SHISA9: variants seen among roughly 807,000 people sequenced by gnomAD.
SHISA9 encodes protein shisa-9.
In SHISA9, 13 loss-of-function variants were observed where a neutral mutation model predicts 38.0. The observed-to-expected ratio is 0.34, with a 90% CI of 0.22 to 0.54. The LOEUF is 0.54. SHISA9 is among the 20% of genes least tolerant of loss of function. SHISA9 has a pLI of 0.91. For missense variants in SHISA9, 538 were observed against 575.8 expected (o/e 0.93, Z 0.67); for synonymous variants, 275 against 242.0 (o/e 1.14, Z -1.27).
chr16:13,127,097 A>AAG (rs1175277703), intron 2 of SHISA9, among the ~76,000 whole-genome samples: 1 of 135,238 alleles, frequency 7.4e-6, no homozygotes, highest in Non-Finnish European at 1.6e-5. Context: ...GAGGGAAGGA[A>AAG]AGAGAGAGAG....
chr16:13,332,108 AAAC>A, the SHISA9 span: 15 of 152,224 alleles, frequency 9.9e-5, no homozygotes, highest in South Asian at 8.3e-4. Context: ...AAAAACACAA[AAAC>A]AACAACAACA....
intron 2 of SHISA9, among the ~76,000 whole-genome samples, chr16:13,068,459 G>A (rs1324489261): frequency 6.6e-6 from 1 of 152,192 alleles, no homozygotes; most frequent in Non-Finnish European, 1.5e-5. Context: ...CTTCACTAGG[G>A]GACATTGGGA....
At chr16:12,911,289 G>T (rs190733101) in intron 1 of SHISA9, 1 of 985,386 alleles carries the variant, frequency 1.0e-6, no homozygotes, top group African/African-American at 1.7e-5. Flanking sequence ...ACTATGTGCC[G>T]CAAACAAACG....
At chr16:13,355,459 GGAA>G in the SHISA9 span, among the ~76,000 whole-genome samples, 9 of 151,956 alleles carry the variant, frequency 5.9e-5, no homozygotes, top group Non-Finnish European at 8.8e-5. Context: ...CTTTGGATTG[GGAA>G]GAAGGGCGGC....
intron 2 of SHISA9, among the ~76,000 whole-genome samples, chr16:13,119,919 T>C (rs1487303653): frequency 6.6e-6 from 1 of 152,174 alleles, no homozygotes; most frequent in African/African-American, 2.4e-5. Flanking sequence ...AGCAAAGATG[T>C]ACAGTTTTTT....
intron 2 of SHISA9, among the ~76,000 whole-genome samples, chr16:13,133,511 C>T (rs2050322808): frequency 1.3e-5 from 2 of 152,274 alleles, no homozygotes; most frequent in South Asian, 4.1e-4. Context: ...TTGGCATAGG[C>T]AGGGCACCAG....
At chr16:13,011,018 G>A (rs867997740) in intron 2 of SHISA9, among the ~76,000 whole-genome samples, 47 of 152,062 alleles carry the variant, frequency 3.1e-4, no homozygotes, top group Admixed American at 4.6e-4. Flanking sequence ...CTTCCTCTCC[G>A]ATATTCTTGC....
chr16:12,915,809 G>T (rs2071246018), intron 1 of SHISA9, among the ~76,000 whole-genome samples: 1 of 152,174 alleles, frequency 6.6e-6, no homozygotes, highest in African/African-American at 2.4e-5. Flanking sequence ...CACTGTTTAT[G>T]TAAAAGACAC....
chr16:13,171,644 A>G (rs114469638), intron 2 of SHISA9, among the ~76,000 whole-genome samples: 4 of 152,164 alleles, frequency 2.6e-5, no homozygotes, highest in Admixed American at 2.0e-4. Context: ...GGGGAAATGA[A>G]AGGAGACCAG....
chr16:13,093,409 G>T (rs2073795073), intron 2 of SHISA9, among the ~76,000 whole-genome samples: 1 of 152,126 alleles, frequency 6.6e-6, no homozygotes, highest in Admixed American at 6.5e-5. Flanking sequence ...TATCTTGCAG[G>T]GATTTAGATG....
the SHISA9 span, among the ~76,000 whole-genome samples, chr16:13,527,477 T>C: frequency 5.9e-5 from 9 of 152,092 alleles, no homozygotes; most frequent in Admixed American, 5.9e-4. Context: ...GAGAAAGAGA[T>C]AGGAGAAAGT....
chr16:13,210,201 T>C (rs2051105031), intron 3 of SHISA9, among the ~76,000 whole-genome samples: 1 of 152,204 alleles, frequency 6.6e-6, no homozygotes, highest in South Asian at 2.1e-4. Flanking sequence ...TTTTATGTAA[T>C]TCCTGATGGG....
At chr16:13,190,909 G>T (rs575255153) in intron 2 of SHISA9, among the ~76,000 whole-genome samples, 131 of 150,336 alleles carry the variant, frequency 8.7e-4, no homozygotes, top group African/African-American at 3.1e-3. Context: ...TTATATATGT[G>T]TTTTTTTTTC....
intron 2 of SHISA9, among the ~76,000 whole-genome samples, chr16:13,033,076 T>A (rs183720799): frequency 6.6e-6 from 1 of 152,216 alleles, no homozygotes; most frequent in Non-Finnish European, 1.5e-5. Flanking sequence ...TTCGCAACCA[T>A]ACAGCTTCAA....
chr16:13,262,850 C>G, the SHISA9 span, among the ~76,000 whole-genome samples: 2 of 152,228 alleles, frequency 1.3e-5, no homozygotes, highest in East Asian at 1.9e-4. Flanking sequence ...AGATATAAAG[C>G]TAATTTTTGC....
chr16:13,438,936 G>A, the SHISA9 span, among the ~76,000 whole-genome samples: 1 of 152,156 alleles, frequency 6.6e-6, no homozygotes, highest in Non-Finnish European at 1.5e-5. Context: ...CTAAAAGAAA[G>A]CAAGGGAAAC....
chr16:13,438,640 G>A, the SHISA9 span, among the ~76,000 whole-genome samples: 228 of 152,302 alleles, frequency 1.5e-3, no homozygotes, highest in African/African-American at 5.3e-3. Flanking sequence ...GGAGTTTGCT[G>A]TTGCAAATAG....
At chr16:13,446,180 C>T in the SHISA9 span, among the ~76,000 whole-genome samples, 7 of 152,004 alleles carry the variant, frequency 4.6e-5, no homozygotes, top group South Asian at 2.1e-4. Context: ...CTCCTGACCT[C>T]GTGATCTGCC....
intron 2 of SHISA9, among the ~76,000 whole-genome samples, chr16:12,960,073 C>T (rs535532721): frequency 6.6e-6 from 1 of 152,162 alleles, no homozygotes; most frequent in African/African-American, 2.4e-5. Context: ...ACAGCCTTCA[C>T]GTTTCTTATG....
Sources: allele counts gnomAD v4.1 joint callset (sites outside exome capture counted in the v4.1 genomes callset), GRCh38; gene constraint gnomAD v4.1.1; transcripts MANE v1.5; gene names NCBI Gene and HGNC (gene_info 2026-07-23, HGNC 2026-07-21).